FOXN3: variants seen among roughly 807,000 people sequenced by gnomAD.
FOXN3 encodes the protein forkhead box protein N3.
FOXN3 carries 7 observed loss-of-function variants against 38.4 expected under a neutral mutation model. The ratio of observed to expected loss-of-function variants is 0.18; its 90% CI spans 0.10 to 0.34. The LOEUF is 0.34. Among genes scored for constraint, FOXN3 ranks in the 10% least tolerant of loss-of-function variants. The probability of loss-of-function intolerance (pLI) is 1.00; values close to 1 mark genes in which losing one functional copy is unlikely to be tolerated. For synonymous variants in FOXN3, 230 were observed against 242.2 expected, an observed-to-expected ratio of 0.95 and a Z score of 0.47; for missense variants, 456 against 613.4, an observed-to-expected ratio of 0.74 and a Z score of 2.71.
chr14:89,471,163 G>C (rs1893087270), intron 1 of FOXN3, among the ~76,000 whole-genome samples: 1 of 152,164 alleles, frequency 6.6e-6, no homozygotes, highest in Non-Finnish European at 1.5e-5. Context: ...GTTTGCTTGA[G>C]TGGCTTATAT....
chr14:89,229,624 T>A (rs1884746537), intron 4 of FOXN3, among the ~76,000 whole-genome samples: 1 of 152,090 alleles, frequency 6.6e-6, no homozygotes, highest in Non-Finnish European at 1.5e-5. Flanking sequence ...TAGCAGAAAA[T>A]ACACTTCCGA....
In FOXN3 at chr14:89,438,769, CTT is replaced by C. The variant is rs374694304; in HGVS notation, c.-14-26281_-14-26280del. Among the ~76,000 whole-genome samples the C allele has an allele frequency of 7.6e-3, 1,117 of 146,712 alleles. 11 individuals carry two copies. Among genetic ancestry groups the C allele is most frequent in the African/African-American group, 0.026 (1,047 of 40,212 alleles). ...CTGGTACTTTTACATTCTTTTCTTT[CTT>C]TTTTTTTTTGAGACGATGTTTCACT... On this transcript the variant is annotated intron_variant, in intron 1 of 6. Coordinates refer to the FOXN3 transcript ENST00000345097.
chr14:89,350,110 C>T (rs774329310), intron 3 of FOXN3, among the ~76,000 whole-genome samples: 6 of 151,996 alleles, frequency 3.9e-5, no homozygotes, highest in South Asian at 2.1e-4. Flanking sequence ...AAAATGGTAC[C>T]CATGACCTTA....
intron 1 of FOXN3, among the ~76,000 whole-genome samples, chr14:89,469,763 G>A (rs562986985): frequency 6.6e-6 from 1 of 152,316 alleles, no homozygotes; most frequent in South Asian, 2.1e-4. Flanking sequence ...GTGTCTTTGG[G>A]TAAATCCCTC....
intron 4 of FOXN3, among the ~76,000 whole-genome samples, chr14:89,192,573 C>T (rs1026319994): frequency 4.4e-5 from 6 of 137,840 alleles, no homozygotes; most frequent in Admixed American, 3.7e-4. Flanking sequence ...ATATATAACA[C>T]ATATGTTATA....
chr14:89,278,477 T>C (rs1215901259), intron 4 of FOXN3, among the ~76,000 whole-genome samples: 1 of 152,086 alleles, frequency 6.6e-6, no homozygotes, highest in Non-Finnish European at 1.5e-5. Context: ...AAGCAAGTTA[T>C]CCCCCACCCT....
intron 1 of FOXN3, among the ~76,000 whole-genome samples, chr14:89,461,320 G>C (rs1419944586): frequency 6.6e-6 from 1 of 151,244 alleles, no homozygotes; most frequent in Non-Finnish European, 1.5e-5. Flanking sequence ...CCAGGCGACA[G>C]AGTGAGGCTC....
intron 1 of FOXN3, among the ~76,000 whole-genome samples, chr14:89,600,232 T>C (rs1473899648): frequency 6.6e-6 from 1 of 152,192 alleles, no homozygotes; most frequent in Non-Finnish European, 1.5e-5. Flanking sequence ...AAAATGAAAG[T>C]AGACACTACT....
intron 1 of FOXN3, among the ~76,000 whole-genome samples, chr14:89,467,151 C>T (rs947022653): frequency 1.3e-5 from 2 of 152,162 alleles, no homozygotes; most frequent in African/African-American, 4.8e-5. Context: ...CACGGTGGCT[C>T]TCCACCCAGA....
At chr14:89,262,302 T>C (rs1257910100) in intron 4 of FOXN3, among the ~76,000 whole-genome samples, 2 of 152,194 alleles carry the variant, frequency 1.3e-5, no homozygotes, top group African/African-American at 4.8e-5. Context: ...CTAAGAAACC[T>C]CCTCGTTCTA....
chr14:89,557,807 A>G (rs1895159888), intron 1 of FOXN3, among the ~76,000 whole-genome samples: 1 of 152,108 alleles, frequency 6.6e-6, no homozygotes. Flanking sequence ...GAAGTTTGAG[A>G]GCAGCCTGGC....
intron 1 of FOXN3, among the ~76,000 whole-genome samples, chr14:89,485,319 GA>G (rs1242211507): frequency 1.3e-5 from 2 of 151,984 alleles, no homozygotes; most frequent in African/African-American, 4.8e-5. Context: ...CCTCCCCCTT[GA>G]GACCCTCCCT....
At chr14:89,369,682 G>C (rs1474900557) in intron 2 of FOXN3, among the ~76,000 whole-genome samples, 1 of 152,044 alleles carries the variant, frequency 6.6e-6, no homozygotes, top group Non-Finnish European at 1.5e-5. Flanking sequence ...GCTTGTGTAG[G>C]GAAACTCCCC....
intron 3 of FOXN3, among the ~76,000 whole-genome samples, chr14:89,295,164 G>A (rs1177868305): frequency 2.6e-5 from 4 of 151,992 alleles, no homozygotes; most frequent in African/African-American, 7.3e-5. Flanking sequence ...CTCTCCCTCC[G>A]CTGCATGAAA....
chr14:89,473,637 G>A (rs1195860118), intron 1 of FOXN3, among the ~76,000 whole-genome samples: 2 of 152,110 alleles, frequency 1.3e-5, no homozygotes, highest in African/African-American at 4.8e-5. Context: ...CAAAATGCTG[G>A]GATTACAGGC....
chr14:89,464,942 C>T (rs924211194), intron 1 of FOXN3, among the ~76,000 whole-genome samples: 2 of 152,148 alleles, frequency 1.3e-5, no homozygotes, highest in Non-Finnish European at 2.9e-5. Context: ...GTGATACGCC[C>T]ACCTTGGCCA....
intron 1 of FOXN3, among the ~76,000 whole-genome samples, chr14:89,569,032 A>G (rs561243862): frequency 3.2e-4 from 49 of 152,272 alleles, no homozygotes; most frequent in South Asian, 1.0e-3. Context: ...GTGAAACCCC[A>G]TCTCTACTAA....
At chr14:89,349,460 A>G (rs1888882969) in intron 3 of FOXN3, 1 of 152,548 alleles carries the variant, frequency 6.6e-6, no homozygotes. Flanking sequence ...TTTGTTTCTA[A>G]GGCAACAGTG....
chr14:89,295,413 AC>A (rs1887004001), intron 3 of FOXN3, among the ~76,000 whole-genome samples: 1 of 152,050 alleles, frequency 6.6e-6, no homozygotes, highest in South Asian at 2.1e-4. Context: ...GTCTCACCTT[AC>A]CTTGGCAGAC....
Sources: allele counts gnomAD v4.1 joint callset (sites outside exome capture counted in the v4.1 genomes callset), GRCh38; gene constraint gnomAD v4.1.1; transcripts MANE v1.5; gene names NCBI Gene and HGNC (gene_info 2026-07-23, HGNC 2026-07-21).